Variants in NHS observed in about 807,000 individuals in gnomAD.
NHS encodes NHS actin remodeling regulator, also known as actin remodeling regulator NHS.
NHS carries 5 observed loss-of-function variants against 72.5 expected under a neutral mutation model. The observed-to-expected ratio is 0.07, with a 90% CI of 0.04 to 0.14. NHS has a LOEUF of 0.14. Among genes scored for constraint, NHS ranks in the 10% least tolerant of loss-of-function variants. The probability of loss-of-function intolerance (pLI) is 1.00; values close to 1 mark genes in which losing one functional copy is unlikely to be tolerated. For synonymous variants in NHS, 464 were observed against 547.7 expected (o/e 0.85, Z 2.13); for missense variants, 1,072 against 1,355.7 (o/e 0.79, Z 3.29).
At chrX:17,429,688 G>A (rs976490576) in intron 1 of NHS, among the ~76,000 whole-genome samples, 2 of 111,599 alleles carry the variant, frequency 1.8e-5, no homozygotes, top group African/African-American at 6.5e-5. Flanking sequence ...ATGGTGCAGA[G>A]AGAGCTATTG....
chrX:17,687,886 T>C lies in NHS; in HGVS notation c.710T>C (p.Leu237Pro). ...HRHARQSLQA[L>P]RREHRSRSDR... ...CACGCCCGGCAGAGCCTGCAAGCCC[T>C]GCGCAGAGGTGACAGATCCTGGGCT... The change falls in exon 2 of 9, where the codon CTG (leucine) becomes CCG (proline). Residue 237 changes from leucine to proline, a missense_variant. Transcript: ENST00000676302. 1 of 1,210,782 alleles carries C rather than the reference T, an allele frequency of 8.3e-7. No homozygotes were observed.
At chrX:17,586,783 CCTT>C (rs2065578631) in intron 1 of NHS, 1 of 112,169 alleles carries the variant, frequency 8.9e-6, no homozygotes, top group Admixed American at 9.4e-5. Flanking sequence ...CATGGATGCT[CCTT>C]CTCTGTGGCC....
At chrX:17,386,139 G>C (rs1419853777) in intron 1 of NHS, among the ~76,000 whole-genome samples, 1 of 112,029 alleles carries the variant, frequency 8.9e-6, no homozygotes, top group African/African-American at 3.2e-5. Context: ...TTTCATCTTT[G>C]TTCTGGTGTC....
intron 1 of NHS, among the ~76,000 whole-genome samples, chrX:17,393,627 G>C (rs1407206161): frequency 8.9e-6 from 1 of 112,308 alleles, no homozygotes; most frequent in Non-Finnish European, 1.9e-5. Context: ...AGGAGGAAGA[G>C]TGATGAGTTC....
chrX:17,718,789 AAAGAAGG>A (rs2066384383), intron 3 of NHS, among the ~76,000 whole-genome samples: 1 of 90,362 alleles, frequency 1.1e-5, no homozygotes, highest in Non-Finnish European at 2.2e-5. Context: ...GGAAGGAGGG[AAAGAAGG>A]AAGGAAGGGG....
intron 1 of NHS, among the ~76,000 whole-genome samples, chrX:17,428,075 A>G (rs748068775): frequency 2.1e-4 from 24 of 112,348 alleles, no homozygotes; most frequent in Non-Finnish European, 3.9e-4. Context: ...TGTATATCAT[A>G]TACATGCTTT....
intron 1 of NHS, among the ~76,000 whole-genome samples, chrX:17,534,696 A>G (rs1309517601): frequency 8.9e-6 from 1 of 111,783 alleles, no homozygotes; most frequent in Non-Finnish European, 1.9e-5. Context: ...ATCATTTCCA[A>G]CAATTTCCAC....
At chrX:17,582,311 A>G (rs946997978) in intron 1 of NHS, among the ~76,000 whole-genome samples, 14 of 112,246 alleles carry the variant, frequency 1.2e-4, no homozygotes, top group Non-Finnish European at 2.3e-4. Context: ...CCAAAAGGAG[A>G]TTTTACAAAA....
chrX:17,586,063 G>A (rs1006522345), intron 1 of NHS: 1 of 110,843 alleles, frequency 9.0e-6, no homozygotes, highest in Non-Finnish European at 1.9e-5. Context: ...AAGTCCAGTG[G>A]TAGAGTCAGA....
chrX:17,456,434 C>T (rs2064826111), intron 1 of NHS, among the ~76,000 whole-genome samples: 1 of 111,913 alleles, frequency 8.9e-6, no homozygotes, highest in Admixed American at 9.5e-5. Context: ...AGTTGAGCTG[C>T]TATTTTTTAA....
intron 3 of NHS, among the ~76,000 whole-genome samples, chrX:17,698,258 A>G (rs1005640907): frequency 1.2e-4 from 14 of 112,169 alleles, no homozygotes; most frequent in African/African-American, 4.5e-4. Context: ...ATAAGCAATG[A>G]CAGGAAAAAA....
At chrX:17,414,847 C>T (rs1413524931) in intron 1 of NHS, among the ~76,000 whole-genome samples, 1 of 111,678 alleles carries the variant, frequency 9.0e-6, no homozygotes, top group Non-Finnish European at 1.9e-5. Context: ...GACCTTCCCC[C>T]TCCTTGCCCC....
In NHS at chrX:17,634,854, C is replaced by T. The variant is rs145661417; in HGVS notation, c.566-52888C>T. On this transcript the variant is annotated intron_variant, in intron 1 of 8. Transcript: ENST00000676302. Reference sequence around the variant, plus strand: ...AAATATTTGCAAACCTGTTGAATAGCGCACCCTCACACCAACCTAAAATTT... The same window carrying T: ...AAATATTTGCAAACCTGTTGAATAGTGCACCCTCACACCAACCTAAAATTT... 2.4e-3 allele frequency among the ~76,000 whole-genome samples: 266 copies of T among 111,856 alleles called. 3 individuals are homozygous for T. In the East Asian group the frequency reaches 0.053, roughly 22 times the overall value.
chrX:17,683,799 T>C (rs1301656092), intron 1 of NHS, among the ~76,000 whole-genome samples: 1 of 111,984 alleles, frequency 8.9e-6, no homozygotes, highest in Admixed American at 9.5e-5. Flanking sequence ...TATCTTCCCC[T>C]TTCTTGGGGA....
intron 1 of NHS, among the ~76,000 whole-genome samples, chrX:17,626,298 A>G: frequency 8.9e-6 from 1 of 112,341 alleles, no homozygotes; most frequent in South Asian, 3.7e-4. Flanking sequence ...ATTTCTTCAT[A>G]GGCAAGTTAA....
At chrX:17,679,863 G>GA (rs995836467) in intron 1 of NHS, among the ~76,000 whole-genome samples, 1 of 104,218 alleles carries the variant, frequency 9.6e-6, no homozygotes, top group Admixed American at 1.0e-4. Context: ...GAAGAAAGGG[G>GA]GGGGGGGTGT....
intron 1 of NHS, among the ~76,000 whole-genome samples, chrX:17,467,567 A>G (rs2064875771): frequency 8.9e-6 from 1 of 112,332 alleles, no homozygotes; most frequent in South Asian, 3.7e-4. Context: ...GCCAATTATA[A>G]TTGAACATGT....
intron 1 of NHS, among the ~76,000 whole-genome samples, chrX:17,492,266 C>T (rs2064995445): frequency 8.9e-6 from 1 of 112,228 alleles, no homozygotes; most frequent in Non-Finnish European, 1.9e-5. Flanking sequence ...CTCCTGTGCA[C>T]ATTTAGTGCT....
At chrX:17,379,337 C>A (rs141807088) in intron 1 of NHS, among the ~76,000 whole-genome samples, 1 of 109,712 alleles carries the variant, frequency 9.1e-6, no homozygotes, top group Non-Finnish European at 1.9e-5. Context: ...GCTGTAGAGA[C>A]GGTGAGAAGT....
Sources: gnomAD v4.1 joint callset for allele counts (sites outside exome capture counted in the v4.1 genomes callset) on GRCh38, gnomAD v4.1.1 for gene constraint, MANE v1.5 for transcripts, NCBI Gene and HGNC (gene_info 2026-07-23, HGNC 2026-07-21) for gene names.